The following DHX15 variants were observed in gnomAD, a reference collection of about 807,000 sequenced individuals.
The protein encoded by DHX15 is DEAH-box helicase 15.
A neutral mutation model predicts 94.4 loss-of-function variants in DHX15; 11 were observed. The observed-to-expected ratio is 0.12, with a 90% CI of 0.07 to 0.19. The LOEUF (loss-of-function observed/expected upper bound fraction) is 0.19. Ranked by LOEUF, DHX15 falls within the 10% of genes least tolerant of loss-of-function variation. The pLI is 1.00. For missense variants in DHX15, 304 were observed against 988.5 expected (o/e 0.31, Z 9.29); for synonymous variants, 338 against 329.9 (o/e 1.02, Z -0.27).
Position 24,537,428 on chromosome 4 carries a change from G to C in DHX15, c.1787-255C>G. The C allele has an allele frequency of 3.1e-6, 1 of 327,674 alleles. No individual in the cohort carries two copies. Among genetic ancestry groups the C allele is most frequent in the Non-Finnish European group, 5.5e-6 (1 of 180,466 alleles). The allele number at this position is 327,674 out of a possible 1,614,324, so 20.3% of individuals were successfully genotyped here. On this transcript the variant is annotated intron_variant, in intron 10 of 13. Transcript: ENST00000336812. The surrounding 1 kb of genome is among the most constrained non-coding windows in gnomAD (Gnocchi z 4.7). ...AGATCTAAAAGTAGGCATCAAAACA[G>C]CTATTCTGAAGGCCATCAGGATACT...
chr4:24,574,586 T>C (rs888276161), intron 2 of DHX15, among the ~76,000 whole-genome samples: 1 of 152,108 alleles, frequency 6.6e-6, no homozygotes, highest in African/African-American at 2.4e-5. Context: ...TATAAAACTT[T>C]AGATATAAAG....
At chr4:24,557,046 G>A (rs563107957) in intron 3 of DHX15, among the ~76,000 whole-genome samples, 5 of 152,188 alleles carry the variant, frequency 3.3e-5, no homozygotes, top group African/African-American at 1.2e-4. Flanking sequence ...AACAAATGAC[G>A]TCAGATTGAT....
intron 12 of DHX15, chr4:24,530,005 T>G (rs1171469835): frequency 1.1e-5 from 6 of 552,494 alleles, no homozygotes; most frequent in Non-Finnish European, 1.9e-5. Flanking sequence ...TTATCTTTAA[T>G]TAGAAAGAAA....
chr4:24,562,196 A>C (rs1368055629), intron 3 of DHX15, among the ~76,000 whole-genome samples: 1 of 151,970 alleles, frequency 6.6e-6, no homozygotes, highest in Admixed American at 6.6e-5. Context: ...TTACCTATAC[A>C]GCAAACCTGC....
intron 12 of DHX15, among the ~76,000 whole-genome samples, chr4:24,531,207 G>A (rs1251311269): frequency 6.6e-6 from 1 of 151,830 alleles, no homozygotes; most frequent in African/African-American, 2.4e-5. Flanking sequence ...TCCTGCCTCA[G>A]CCTCCCGAGT....
At chr4:24,552,830 A>G (rs1560767999) in intron 5 of DHX15, among the ~76,000 whole-genome samples, 1 of 152,082 alleles carries the variant, frequency 6.6e-6, no homozygotes. Context: ...CATGAAAGAC[A>G]CTCTAGCATA....
chr4:24,536,983 C>T (rs1248454010), intron 11 of DHX15, 68 bp downstream of exon 11: 5 of 1,478,048 alleles, frequency 3.4e-6, no homozygotes, highest in Non-Finnish European at 4.5e-6. Flanking sequence ...CAAAGTGGGA[C>T]AAAGAAACAT....
chr4:24,531,200 T>C (rs1577330886), intron 12 of DHX15, among the ~76,000 whole-genome samples: 1 of 152,154 alleles, frequency 6.6e-6, no homozygotes, highest in East Asian at 1.9e-4. Context: ...GCCGTTCTCC[T>C]GCCTCAGCCT....
chr4:24,541,103 G>A (rs1721298262), intron 8 of DHX15, among the ~76,000 whole-genome samples, 155 bp from the exon 9 acceptor site: 1 of 152,116 alleles, frequency 6.6e-6, no homozygotes, highest in African/African-American at 2.4e-5. Flanking sequence ...AGACTAGAGA[G>A]AAACCATTTT....
At chr4:24,569,880 C>T (rs1722083336) in intron 3 of DHX15, among the ~76,000 whole-genome samples, 1 of 152,200 alleles carries the variant, frequency 6.6e-6, no homozygotes, top group African/African-American at 2.4e-5. Flanking sequence ...AAGCAATAAT[C>T]CTGCTTCAGC....
At chr4:24,575,874 T>A (rs1165197241) in intron 2 of DHX15, among the ~76,000 whole-genome samples, 1 of 152,294 alleles carries the variant, frequency 6.6e-6, no homozygotes, top group East Asian at 1.9e-4. Context: ...ATTTCATTTT[T>A]TGCATGGTTC....
At chr4:24,550,124 C>T (rs1309186542) in intron 5 of DHX15, among the ~76,000 whole-genome samples, 1 of 41,058 alleles carries the variant, frequency 2.4e-5, no homozygotes, top group Non-Finnish European at 4.7e-5. Context: ...AAAAAAAAAA[C>T]GGTAAAAATC....
chr4:24,569,013 A>G (rs567392731), intron 3 of DHX15, among the ~76,000 whole-genome samples: 1 of 152,350 alleles, frequency 6.6e-6, no homozygotes, highest in South Asian at 2.1e-4. Flanking sequence ...ACGCTGAATA[A>G]AAAGTTCTAA....
chr4:24,572,897 C>G (rs774409037), intron 2 of DHX15, among the ~76,000 whole-genome samples: 3 of 151,986 alleles, frequency 2.0e-5, no homozygotes. Context: ...TGTATTCAAG[C>G]CAGGGATCCG....
chr4:24,542,123 A>G, intron 7 of DHX15, 101 bp from the exon 8 acceptor site: 1 of 988,816 alleles, frequency 1.0e-6, no homozygotes, highest in Non-Finnish European at 1.4e-6. Context: ...AAAATAAATA[A>G]AGAAATATCG....
rs746103694 is a variant in DHX15 at position 24,556,423 on chromosome 4, G to T, written c.702-13C>A. The stretch of plus-strand genomic sequence containing the variant: ...ATCAGTCATATACCTATATTCCAAA[G>T]AACATGTTGGTTAAAGGTTCCGTTA... On this transcript the variant is annotated splice_polypyrimidine_tract_variant and intron_variant, in intron 3 of 13. Coordinates refer to ENST00000336812, the MANE Select transcript of DHX15 (RefSeq NM_001358.3). The T allele has an allele frequency of 8.8e-6, 14 of 1,588,070 alleles. No homozygotes were observed. The Middle Eastern group carries it at 6.7e-4, about 76-fold the overall frequency.
At chr4:24,555,972 C>G (rs10017492) in intron 4 of DHX15, among the ~76,000 whole-genome samples, 151,764 of 152,304 alleles carry the variant, frequency 1, 75,618 homozygotes, top group Middle Eastern at 1. Flanking sequence ...ATGAAGGGTA[C>G]AGTGAGTAGC....
chr4:24,558,241 C>T (rs1721784744), intron 3 of DHX15, among the ~76,000 whole-genome samples: 1 of 152,154 alleles, frequency 6.6e-6, no homozygotes, highest in African/African-American at 2.4e-5. Flanking sequence ...AATAACCAAA[C>T]TGCCACCAAC....
At chr4:24,554,514 T>C (rs1383748024) in intron 5 of DHX15, among the ~76,000 whole-genome samples, 2 of 152,188 alleles carry the variant, frequency 1.3e-5, no homozygotes, top group African/African-American at 2.4e-5. Context: ...CATTTAACAC[T>C]CTTAAAATAA....
Sources: allele counts gnomAD v4.1 joint callset (sites outside exome capture counted in the v4.1 genomes callset), GRCh38; gene constraint gnomAD v4.1.1; non-coding constraint Gnocchi (gnomAD v3.1); transcripts MANE v1.5; gene names NCBI Gene and HGNC (gene_info 2026-07-23, HGNC 2026-07-21).